TEX11: variants seen among roughly 807,000 people sequenced by gnomAD.
TEX11 encodes testis-expressed protein 11.
In TEX11, 7 loss-of-function variants were observed where a neutral mutation model predicts 84.4. The observed-to-expected ratio is 0.08, with a 90% confidence interval of 0.05 to 0.16. TEX11 has a LOEUF of 0.16. TEX11 is among the 10% of genes least tolerant of loss of function. The pLI, the probability that TEX11 is intolerant of heterozygous loss-of-function variation, is 1.00. For synonymous variants in TEX11, 264 were observed against 222.8 expected (o/e 1.18, Z -1.64); for missense variants, 551 against 660.5 (o/e 0.83, Z 1.82).
At chrX:70,756,912 GAGA>G (rs770406102) in intron 9 of TEX11, among the ~76,000 whole-genome samples, 5 of 112,052 alleles carry the variant, frequency 4.5e-5, no homozygotes, top group African/African-American at 1.6e-4. Flanking sequence ...AAACAGTGTA[GAGA>G]AGACCTTAAA....
At chrX:70,751,377 G>T (rs920834102) in intron 9 of TEX11, among the ~76,000 whole-genome samples, 1 of 103,142 alleles carries the variant, frequency 9.7e-6, no homozygotes, top group East Asian at 3.2e-4. Flanking sequence ...GCAAACTATC[G>T]CAAGGACAAA....
At chrX:70,517,771 G>A in the TEX11 span, among the ~76,000 whole-genome samples, 14 of 110,957 alleles carry the variant, frequency 1.3e-4, no homozygotes, top group African/African-American at 4.3e-4. Flanking sequence ...TTGGTTGGTA[G>A]GCTATTAATA....
intron 9 of TEX11, among the ~76,000 whole-genome samples, chrX:70,793,985 T>C (rs1223745900): frequency 8.9e-6 from 1 of 111,733 alleles, no homozygotes; most frequent in Non-Finnish European, 1.9e-5. Flanking sequence ...CTGATCATTC[T>C]CCCTGCAGGA....
At chrX:70,513,183 G>A in the TEX11 span, among the ~76,000 whole-genome samples, 91 of 106,905 alleles carry the variant, frequency 8.5e-4, 3 homozygotes, top group East Asian at 5.0e-3. Context: ...GAGAAACCCC[G>A]TCTCTACTAA....
intron 25 of TEX11, among the ~76,000 whole-genome samples, chrX:70,568,410 A>G (rs1389324268): frequency 1.8e-5 from 2 of 110,070 alleles, no homozygotes; most frequent in African/African-American, 3.3e-5. Flanking sequence ...TTTACAATTA[A>G]AGTTAATATT....
chrX:70,542,823 C>T (rs191322346), intron 28 of TEX11, among the ~76,000 whole-genome samples: 48 of 112,020 alleles, frequency 4.3e-4, no homozygotes, highest in Middle Eastern at 4.7e-3. Flanking sequence ...AGGAGATGCA[C>T]GGCACATTCA....
At chrX:70,784,543 T>C (rs1160154831) in intron 9 of TEX11, among the ~76,000 whole-genome samples, 2 of 111,594 alleles carry the variant, frequency 1.8e-5, no homozygotes, top group Non-Finnish European at 3.8e-5. Context: ...TCAAATTGTC[T>C]CTGTTTGCAG....
At chrX:70,628,867 C>A (rs943570512) in intron 18 of TEX11, among the ~76,000 whole-genome samples, 3 of 112,073 alleles carry the variant, frequency 2.7e-5, no homozygotes, top group African/African-American at 9.7e-5. Context: ...ATGTAGAAAG[C>A]CAAAGAGAGC....
intron 25 of TEX11, among the ~76,000 whole-genome samples, chrX:70,590,538 A>G (rs1405437318): frequency 9.0e-6 from 1 of 111,489 alleles, no homozygotes; most frequent in Non-Finnish European, 1.9e-5. Flanking sequence ...ATCTCCATAA[A>G]GTCTGAAAAA....
At chrX:70,870,952 G>A (rs192952465) in intron 4 of TEX11, among the ~76,000 whole-genome samples, 5 of 111,791 alleles carry the variant, frequency 4.5e-5, no homozygotes, top group Admixed American at 1.9e-4. Flanking sequence ...CACTCTTGTC[G>A]CCCAGGATGG....
At chrX:70,838,134 G>T (rs1426572660) in intron 7 of TEX11, among the ~76,000 whole-genome samples, 6 of 111,967 alleles carry the variant, frequency 5.4e-5, no homozygotes, top group Non-Finnish European at 1.1e-4. Context: ...AAACACATTT[G>T]TTGGCCAGGC....
At chrX:70,780,920 A>G (rs1250733622) in intron 9 of TEX11, among the ~76,000 whole-genome samples, 1 of 112,489 alleles carries the variant, frequency 8.9e-6, no homozygotes, top group African/African-American at 3.2e-5. Flanking sequence ...TGCACACTTA[A>G]AAGTCCCTGT....
chrX:70,568,371 T>G (rs1413569982), intron 25 of TEX11, among the ~76,000 whole-genome samples: 1 of 111,058 alleles, frequency 9.0e-6, no homozygotes, highest in Admixed American at 9.6e-5. Context: ...TTTGCCAGTC[T>G]GTGTCTTTTA....
intron 1 of TEX11, 116 bp from the exon 2 acceptor site, chrX:70,907,926 G>T: frequency 1.9e-6 from 1 of 525,532 alleles, no homozygotes; most frequent in Non-Finnish European, 3.1e-6. Context: ...AAAAGGCTGA[G>T]TAAAGTTAAA....
intron 25 of TEX11, among the ~76,000 whole-genome samples, chrX:70,573,299 G>A (rs1472816786): frequency 9.0e-6 from 1 of 111,491 alleles, no homozygotes; most frequent in Non-Finnish European, 1.9e-5. Flanking sequence ...CTGACTATGA[G>A]GCATGATTTA....
chrX:70,882,352 T>C (rs76019334), intron 2 of TEX11, among the ~76,000 whole-genome samples: 10,532 of 111,227 alleles, frequency 0.095, 637 homozygotes, highest in Admixed American at 0.29. Context: ...AGAGTCTTAC[T>C]CTGTCACCTA....
intron 14 of TEX11, among the ~76,000 whole-genome samples, chrX:70,679,468 G>C (rs1167679506): frequency 9.7e-6 from 1 of 102,996 alleles, no homozygotes; most frequent in Non-Finnish European, 2.0e-5. Flanking sequence ...GTCTCTGCCC[G>C]GCCGCCATCC....
chrX:70,579,916 A>C (rs2088747545), intron 25 of TEX11, among the ~76,000 whole-genome samples: 1 of 112,174 alleles, frequency 8.9e-6, no homozygotes, highest in Admixed American at 9.5e-5. Flanking sequence ...AATTAGTACA[A>C]CCACTGTGGA....
At chrX:70,668,941 G>C (rs181225551) in intron 16 of TEX11, among the ~76,000 whole-genome samples, 145 of 111,872 alleles carry the variant, frequency 1.3e-3, no homozygotes, top group Non-Finnish European at 2.0e-3. Context: ...TTTGTGTACT[G>C]TCTCAGAGTC....
Sources: allele counts gnomAD v4.1 joint callset (sites outside exome capture counted in the v4.1 genomes callset), GRCh38; gene constraint gnomAD v4.1.1; transcripts MANE v1.5; gene names NCBI Gene and HGNC (gene_info 2026-07-23, HGNC 2026-07-21).